Variants in TBC1D14 observed in about 807,000 individuals in gnomAD.
TBC1D14 encodes TBC1 domain family, member 14.
In TBC1D14, 26 loss-of-function variants were observed where a neutral mutation model predicts 79.0. That is an observed-to-expected ratio of 0.33 (90% CI 0.24 to 0.46). The LOEUF (loss-of-function observed/expected upper bound fraction) is 0.46, where lower values mean the gene tolerates loss of function less well. TBC1D14 is among the 20% of genes least tolerant of loss of function. The pLI is 1.00. For missense variants in TBC1D14, 769 were observed against 887.6 expected (o/e 0.87, Z 1.70); for synonymous variants, 394 against 349.9 (o/e 1.13, Z -1.40).
chr4:7,007,551 G>T lies in TBC1D14; in HGVS notation c.1446+825G>T, dbSNP rs181181103. On this transcript the variant is annotated intron_variant, in intron 9 of 13. Transcript: ENST00000409757. ...TCTCATCTTTGTGGATTTCCGTGTG[G>T]GTCTTCAGAAATCTTTTCAGAAGAG... 7 of 1,289,308 alleles carry T rather than the reference G, an allele frequency of 5.4e-6. No homozygotes were observed. In the African/African-American group the frequency reaches 1.1e-4, roughly 20 times the overall value. 79.9% of individuals were successfully genotyped at this position (1,289,308 alleles called of 1,614,324 possible). A position where few individuals can be genotyped will look rare whatever the true frequency, so the allele number is the denominator to read the frequency against.
intron 1 of TBC1D14, among the ~76,000 whole-genome samples, chr4:6,914,974 G>A (rs1723280031): frequency 6.6e-6 from 1 of 152,188 alleles, no homozygotes; most frequent in South Asian, 2.1e-4. Context: ...GGGAGGCGGA[G>A]GTTGTGGTGA....
chr4:7,009,114 T>A (rs1720500834), intron 9 of TBC1D14, among the ~76,000 whole-genome samples: 1 of 152,242 alleles, frequency 6.6e-6, no homozygotes, highest in South Asian at 2.1e-4. Flanking sequence ...TGGAGTGACT[T>A]CTTATCTCTC....
chr4:7,006,601 G>A, intron 8 of TBC1D14, 31 bp from the exon 9 acceptor site: 3 of 1,594,258 alleles, frequency 1.9e-6, no homozygotes, highest in African/African-American at 2.7e-5. Flanking sequence ...TGCCCTTGAG[G>A]AATGTAATTA....
chr4:6,948,963 C>G (rs547476290), intron 2 of TBC1D14, among the ~76,000 whole-genome samples: 1 of 151,638 alleles, frequency 6.6e-6, no homozygotes, highest in African/African-American at 2.4e-5. Flanking sequence ...TTTGGGAGGC[C>G]GAGGCGGGTG....
rs1444189434 is a variant in TBC1D14, at chr4:6,924,096, G to A, written c.707G>A (p.Ser236Asn). Residue 236 changes from serine (S) to asparagine (N), a missense_variant, in exon 2 of 14, where the codon AGT (serine) becomes AAT (asparagine). Around this residue, in one of 2 missense-constraint regions of TBC1D14, gnomAD observed 402 missense variants for 393.2 expected, o/e 1.02. Coordinates refer to ENST00000409757, the MANE Select transcript of TBC1D14 (RefSeq NM_020773.3). ...GSKLKILGPF[S>N]NFFARNLLAR... ...AAATTGAAAATATTGGGGCCATTTA[G>A]TAACTTCTTTGCAAGGTAATGCCAT... 1.1e-5 allele frequency: 17 copies of A among 1,612,302 alleles called. No individual in the cohort carries two copies. The highest frequency in any genetic ancestry group is 1.4e-5 in the Non-Finnish European group (17 of 1,179,172).
chr4:6,952,434 C>A (rs1714128154), intron 2 of TBC1D14, among the ~76,000 whole-genome samples: 1 of 152,258 alleles, frequency 6.6e-6, no homozygotes, highest in Non-Finnish European at 1.5e-5. Context: ...TTGTCAGTTT[C>A]ATCCCCTCTG....
At chr4:7,023,110 C>T (rs147409812) in intron 12 of TBC1D14, among the ~76,000 whole-genome samples, 4,225 of 152,028 alleles carry the variant, frequency 0.028, 196 homozygotes, top group African/African-American at 0.097. Flanking sequence ...AAAAATTAGC[C>T]GGGCATGGTC....
intron 3 of TBC1D14, among the ~76,000 whole-genome samples, chr4:6,967,811 C>T (rs1278824615): frequency 1.3e-5 from 2 of 152,204 alleles, no homozygotes; most frequent in Non-Finnish European, 2.9e-5. Context: ...CACATCCTTC[C>T]TGTGCTACTC....
intron 9 of TBC1D14, among the ~76,000 whole-genome samples, 177 bp from the exon 10 acceptor site, chr4:7,009,700 T>C (rs1720550952): frequency 6.6e-6 from 1 of 152,250 alleles, no homozygotes; most frequent in South Asian, 2.1e-4. Flanking sequence ...TCCCTAGCTG[T>C]GAATGGGTAA....
intron 7 of TBC1D14, 137 bp downstream of exon 7, chr4:7,001,388 A>T: frequency 1.4e-6 from 1 of 738,774 alleles, no homozygotes; most frequent in South Asian, 1.8e-5. Flanking sequence ...TGTGTCCTTC[A>T]GGAGAGAGGG....
At chr4:6,974,514 G>A (rs1057356070) in intron 3 of TBC1D14, among the ~76,000 whole-genome samples, 2 of 152,158 alleles carry the variant, frequency 1.3e-5, no homozygotes, top group South Asian at 2.1e-4. Context: ...AGTAGCTTAC[G>A]TAGACTTGGA....
intron 3 of TBC1D14, chr4:6,987,246 T>TCCGCCCGC (rs933636891): frequency 2.4e-6 from 3 of 1,265,778 alleles, no homozygotes; most frequent in South Asian, 2.7e-5. Flanking sequence ...AGCCGCCGCG[T>TCCGCCCGC]CCGCCCGCCC....
intron 12 of TBC1D14, among the ~76,000 whole-genome samples, chr4:7,023,709 G>C (rs1314458819): frequency 6.6e-6 from 1 of 152,236 alleles, no homozygotes; most frequent in Non-Finnish European, 1.5e-5. Context: ...CTGGTGGTGA[G>C]ACCTGGGTCC....
chr4:7,005,777 A>G (rs1482381715), intron 8 of TBC1D14, among the ~76,000 whole-genome samples: 1 of 152,030 alleles, frequency 6.6e-6, no homozygotes, highest in African/African-American at 2.4e-5. Flanking sequence ...CGTCATAACC[A>G]GTGCCATTCC....
rs149291507 is a variant in TBC1D14, at chr4:6,952,966, C to T, written c.723-14338C>T. On this transcript the variant is annotated intron_variant, in intron 2 of 13. Coordinates refer to ENST00000409757, the MANE Select transcript of TBC1D14 (RefSeq NM_020773.3). ...GGGTGATTCTCCTGCCTCAGCCTCC[C>T]GAGTACCTAGGATTACAGGCACCCA... Among the ~76,000 whole-genome samples, 162 of 151,464 alleles carry T rather than the reference C, an allele frequency of 1.1e-3. 1 individual carries two copies. The highest frequency in any genetic ancestry group is 6.9e-3 in the Middle Eastern group (2 of 290).
intron 3 of TBC1D14, among the ~76,000 whole-genome samples, chr4:6,979,618 CA>C: frequency 6.6e-6 from 1 of 151,076 alleles, no homozygotes; most frequent in African/African-American, 2.4e-5. Flanking sequence ...GACCCTATCT[CA>C]AAAAAAACAC....
chr4:6,910,053 C>T (rs1043322165), intron 1 of TBC1D14, 102 bp downstream of exon 1: 1 of 147,744 alleles, frequency 6.8e-6, no homozygotes, highest in African/African-American at 2.4e-5. Flanking sequence ...GGGGAGCGGC[C>T]GGGGCGAGGC....
intron 1 of TBC1D14, among the ~76,000 whole-genome samples, chr4:6,915,715 G>A (rs1210190065): frequency 6.6e-6 from 1 of 152,164 alleles, no homozygotes; most frequent in Admixed American, 6.5e-5. Context: ...TGGTGGTGCT[G>A]TTAGGTGCTG....
chr4:6,917,379 C>T (rs1415015840), intron 1 of TBC1D14, among the ~76,000 whole-genome samples: 12 of 152,294 alleles, frequency 7.9e-5, no homozygotes, highest in Admixed American at 7.8e-4. Flanking sequence ...TGTAAAATAG[C>T]TGTTTCAGGT....
Sources: gnomAD v4.1 joint callset for allele counts (sites outside exome capture counted in the v4.1 genomes callset) on GRCh38, gnomAD v4.1.1 for gene constraint, gnomAD v4.1.1 regional missense constraint, MANE v1.5 for transcripts, NCBI Gene and HGNC (gene_info 2026-07-23, HGNC 2026-07-21) for gene names.